The following MYH16 variants were observed in gnomAD, a reference collection of about 807,000 sequenced individuals.
MYH16 encodes the protein myosin heavy chain 16.
At chr7:99,283,410 G>A (rs1016363558) in intron 23 of MYH16, among the ~76,000 whole-genome samples, 155 bp from the exon 6 acceptor site, 8 of 152,172 alleles carry the variant, frequency 5.3e-5, no homozygotes, top group African/African-American at 1.2e-4. Context: ...CTTACCCAGC[G>A]CCCAGGAGCA....
At chr7:99,258,728 C>T (rs1481040899) in intron 11 of MYH16, among the ~76,000 whole-genome samples, 1 of 151,708 alleles carries the variant, frequency 6.6e-6, no homozygotes, top group Non-Finnish European at 1.5e-5. Flanking sequence ...TTAGCCATGG[C>T]TTGAATATTT....
At chr7:99,257,413 G>A (rs988862805) in exon 10 of MYH16, 2 of 162,012 alleles carry the variant, frequency 1.2e-5, no homozygotes, top group African/African-American at 2.4e-5. Flanking sequence ...GCCCAGAGAC[G>A]AGCAAGCTGA....
intron 20 of MYH16, 86 bp from the exon 3 acceptor site, chr7:99,277,453 G>A (rs1231233951): frequency 1.5e-5 from 6 of 387,460 alleles, no homozygotes; most frequent in East Asian, 7.2e-5. Context: ...GTGAGGTCAC[G>A]CCTGAGGCAG....
At chr7:99,246,465 G>A (rs1055278265) in intron 2 of MYH16, among the ~76,000 whole-genome samples, 1 of 152,182 alleles carries the variant, frequency 6.6e-6, no homozygotes, top group African/African-American at 2.4e-5. Flanking sequence ...ACTTTGGGAG[G>A]CTGAGGTGGG....
intron 2 of MYH16, among the ~76,000 whole-genome samples, chr7:99,245,469 G>A (rs1375441592): frequency 6.6e-6 from 1 of 152,156 alleles, no homozygotes; most frequent in Non-Finnish European, 1.5e-5. Flanking sequence ...GCCATTTCCT[G>A]TCTTCACTCA....
chr7:99,307,427 T>C (rs1256006788), downstream of MYH16, among the ~76,000 whole-genome samples: 1 of 152,128 alleles, frequency 6.6e-6, no homozygotes, highest in African/African-American at 2.4e-5. Context: ...GATAAATATA[T>C]AAAAGTTAAA....
chr7:99,240,714 C>T (rs749225979), intron 1 of MYH16, among the ~76,000 whole-genome samples: 3 of 152,006 alleles, frequency 2.0e-5, no homozygotes, highest in Non-Finnish European at 4.4e-5. Flanking sequence ...GTGGTGCATC[C>T]CTGTACTCCC....
Position 99,290,346 on chromosome 7 carries a change from G to A in MYH16, n.3824+942G>A, listed in dbSNP as rs941947652. Among the ~76,000 whole-genome samples, 4 of 151,870 alleles carry A rather than the reference G, an allele frequency of 2.6e-5. No homozygotes were observed. The South Asian group carries it at 6.3e-4, about 24-fold the overall frequency. ...CAAAACAATGTTTTTAAATAGCTGG[G>A]TGTGGTGGCGCACACTGGTGGTCCC... is the stretch of plus-strand genomic sequence containing the variant. On this transcript the variant is annotated intron_variant and non_coding_transcript_variant, in intron 30 of 41. Coordinates refer to ENST00000439784, the Ensembl canonical transcript of MYH16.
intron 1 of MYH16, among the ~76,000 whole-genome samples, chr7:99,239,925 G>A (rs1450606257): frequency 6.6e-6 from 1 of 152,096 alleles, no homozygotes; most frequent in Non-Finnish European, 1.5e-5. Flanking sequence ...GCTCACACCT[G>A]TAATCCCAGC....
intron 30 of MYH16, 101 bp from the exon 12 acceptor site, chr7:99,291,222 A>G (rs1424331130): frequency 5.1e-6 from 2 of 393,890 alleles, no homozygotes; most frequent in Non-Finnish European, 1.0e-5. Context: ...CCAAGCCACC[A>G]TATTTATTGG....
At chr7:99,291,326 A>T in exon 31 of MYH16, 1 of 455,512 alleles carries the variant, frequency 2.2e-6, no homozygotes, top group Non-Finnish European at 4.4e-6. Flanking sequence ...CACCCAGCTG[A>T]AAATAGTGAA....
At chr7:99,277,770 G>C (rs911386508) in intron 21 of MYH16, 58 bp downstream of exon 3, 16 of 397,462 alleles carry the variant, frequency 4.0e-5, no homozygotes, top group Admixed American at 6.0e-5. Flanking sequence ...ACCCTGGGAG[G>C]GAGGAAGGGC....
chr7:99,273,573 G>A (rs998848324), intron 20 of MYH16, 150 bp downstream of exon 2: 2 of 374,358 alleles, frequency 5.3e-6, no homozygotes, highest in Non-Finnish European at 1.1e-5. Flanking sequence ...TCTAGCCTCT[G>A]TCCAGACAGG....
chr7:99,310,701 T>A (rs1426530826), downstream of MYH16: 1 of 152,208 alleles, frequency 6.6e-6, no homozygotes, highest in Non-Finnish European at 1.5e-5. Context: ...ATGGACTTGC[T>A]CACCTTGCTC....
At chr7:99,298,449 T>C (rs1792536624) in intron 36 of MYH16, among the ~76,000 whole-genome samples, 1 of 152,120 alleles carries the variant, frequency 6.6e-6, no homozygotes, top group Admixed American at 6.6e-5. Flanking sequence ...GCCAGGTTGG[T>C]CTTGAACTCC....
At position 99,273,432 on chromosome 7, in the gene MYH16, C is replaced by T. The variant is rs754773625; in HGVS notation, n.2485+9C>T. The T allele has an allele frequency of 9.2e-5, 42 of 456,564 alleles. 1 individual carries two copies. Among genetic ancestry groups the T allele is most frequent in the South Asian group, 5.9e-4 (38 of 64,558 alleles). The allele number at this position is 456,564 out of a possible 1,614,324, so 28.3% of individuals were successfully genotyped here. Reference sequence around the variant, plus strand: ...GGAAGCTGTACAACAAGGTGAGGGCCGAGGGGCCAGGCCAGGGGGGACTGC... The same window carrying T: ...GGAAGCTGTACAACAAGGTGAGGGCTGAGGGGCCAGGCCAGGGGGGACTGC... On this transcript the variant is annotated intron_variant and non_coding_transcript_variant, in intron 20 of 41. Transcript: ENST00000439784.
chr7:99,279,667 A>G, exon 22 of MYH16: 1 of 456,526 alleles, frequency 2.2e-6, no homozygotes, highest in Non-Finnish European at 4.4e-6. Flanking sequence ...TTGGAAGGGG[A>G]GCTGAGCGAC....
intron 37 of MYH16, among the ~76,000 whole-genome samples, chr7:99,301,093 G>C (rs1361771738): frequency 6.7e-6 from 1 of 149,324 alleles, no homozygotes; most frequent in African/African-American, 2.5e-5. Context: ...TACTTGGGAA[G>C]GTGAGGCAGG....
chr7:99,262,183 C>T (rs1028906356), intron 13 of MYH16, among the ~76,000 whole-genome samples: 2 of 152,132 alleles, frequency 1.3e-5, no homozygotes, highest in Non-Finnish European at 2.9e-5. Flanking sequence ...ATCCTGCCAG[C>T]TTATAAGAAT....
Sources: allele counts gnomAD v4.1 joint callset (sites outside exome capture counted in the v4.1 genomes callset), GRCh38; gene constraint gnomAD v4.1.1; transcripts MANE v1.5; gene names NCBI Gene and HGNC (gene_info 2026-07-23, HGNC 2026-07-21).